The following GRIP1 variants were observed in gnomAD, a reference collection of about 807,000 sequenced individuals.
GRIP1 encodes the protein glutamate receptor interacting protein 1, also known as glutamate receptor-interacting protein 1.
Under a neutral mutation model 129.9 loss-of-function variants are expected in GRIP1, and 45 were observed. The ratio of observed to expected loss-of-function variants is 0.35; its 90% confidence interval spans 0.27 to 0.44. The LOEUF is 0.44. Among genes scored for constraint, GRIP1 ranks in the 20% least tolerant of loss-of-function variants. GRIP1 has a pLI of 1.00. For missense variants in GRIP1, 1,196 were observed against 1,396.8 expected (o/e 0.86, Z 2.29); for synonymous variants, 530 against 520.8 (o/e 1.02, Z -0.24).
intron 1 of GRIP1, among the ~76,000 whole-genome samples, chr12:67,029,405 T>C (rs2042987456): frequency 6.6e-6 from 1 of 152,042 alleles, no homozygotes; most frequent in Non-Finnish European, 1.5e-5. Flanking sequence ...TGAGCCATTG[T>C]GCCTGGCCAA....
chr12:66,620,906 G>A (rs746984092), intron 1 of GRIP1, among the ~76,000 whole-genome samples: 1 of 152,058 alleles, frequency 6.6e-6, no homozygotes, highest in African/African-American at 2.4e-5. Context: ...GCTGCAGCAT[G>A]ATGATTCACT....
chr12:66,781,387 T>G (rs1328203646), intron 1 of GRIP1, among the ~76,000 whole-genome samples: 1 of 152,192 alleles, frequency 6.6e-6, no homozygotes, highest in East Asian at 1.9e-4. Flanking sequence ...CTTTTTAAAG[T>G]AACTTATTTG....
At chr12:66,876,684 T>C (rs1298899887) in intron 1 of GRIP1, among the ~76,000 whole-genome samples, 1 of 152,006 alleles carries the variant, frequency 6.6e-6, no homozygotes, top group African/African-American at 2.4e-5. Context: ...AGGACTAGGA[T>C]AGAGATGCAC....
intron 14 of GRIP1, 82 bp from the exon 15 acceptor site, chr12:66,420,871 CTT>C (rs1451636309): frequency 1.2e-6 from 1 of 823,924 alleles, no homozygotes; most frequent in Non-Finnish European, 2.1e-6. Context: ...TTTATAATAA[CTT>C]AATGCAAGTA....
chr12:66,728,977 C>T (rs558104186), intron 1 of GRIP1, among the ~76,000 whole-genome samples: 9 of 152,102 alleles, frequency 5.9e-5, no homozygotes, highest in African/African-American at 2.2e-4. Flanking sequence ...TGATCCCAAA[C>T]ATCCAATCAC....
chr12:67,004,416 A>G (rs984864991), intron 1 of GRIP1, among the ~76,000 whole-genome samples: 5 of 152,208 alleles, frequency 3.3e-5, no homozygotes, highest in Non-Finnish European at 7.4e-5. Flanking sequence ...AATCACCTGG[A>G]TGGCAAAGTG....
intron 1 of GRIP1, among the ~76,000 whole-genome samples, chr12:67,006,401 A>G (rs142049854): frequency 3.4e-4 from 52 of 152,140 alleles, no homozygotes; most frequent in Non-Finnish European, 5.6e-4. Flanking sequence ...CCGTCTCTAC[A>G]AAAAATTAAA....
chr12:67,027,615 T>G (rs886658266), intron 1 of GRIP1, among the ~76,000 whole-genome samples: 20 of 152,162 alleles, frequency 1.3e-4, no homozygotes, highest in African/African-American at 4.3e-4. Flanking sequence ...ACAGAGTGCA[T>G]GAAAGCATAG....
Position 66,772,301 on chromosome 12 carries a change from T to C in GRIP1, c.-420+31752A>G, listed in dbSNP as rs556978737. Among the ~76,000 whole-genome samples the C allele has an allele frequency of 1.3e-3, 200 of 152,360 alleles. 1 individual carries two copies. The highest frequency in any genetic ancestry group is 3.5e-3 in the African/African-American group (144 of 41,588). On this transcript the variant is annotated intron_variant, in intron 1 of 4. Transcript: ENST00000538373. Reference sequence around the variant, plus strand: ...CAGAGGACTCCCAGGTGTGTTTAGATCTTAAATGAGAAATTATAAAACACA... The same window carrying C: ...CAGAGGACTCCCAGGTGTGTTTAGACCTTAAATGAGAAATTATAAAACACA...
chr12:66,536,596 A>T (rs1302315917), intron 4 of GRIP1, among the ~76,000 whole-genome samples: 2 of 152,156 alleles, frequency 1.3e-5, no homozygotes, highest in Non-Finnish European at 2.9e-5. Context: ...CTAATCTCAC[A>T]TTCTCAATGA....
At chr12:66,479,942 G>A (rs1774690087) in intron 7 of GRIP1, among the ~76,000 whole-genome samples, 1 of 152,098 alleles carries the variant, frequency 6.6e-6, no homozygotes, top group African/African-American at 2.4e-5. Flanking sequence ...AGCTATTTAT[G>A]ACAAACCCAC....
chr12:67,002,519 T>C (rs1362898192), intron 1 of GRIP1, among the ~76,000 whole-genome samples: 1 of 152,208 alleles, frequency 6.6e-6, no homozygotes, highest in African/African-American at 2.4e-5. Flanking sequence ...GGAGATAATA[T>C]TGGCCTTTTC....
intron 1 of GRIP1, among the ~76,000 whole-genome samples, chr12:66,945,237 C>T (rs1029269674): frequency 1.3e-5 from 2 of 151,954 alleles, no homozygotes; most frequent in African/African-American, 4.8e-5. Flanking sequence ...TGTGTCGTGG[C>T]AGTTTGGCGT....
chr12:66,589,828 A>G (rs1242892023), intron 2 of GRIP1, among the ~76,000 whole-genome samples: 1 of 152,124 alleles, frequency 6.6e-6, no homozygotes, highest in Non-Finnish European at 1.5e-5. Flanking sequence ...ATAGATAAGA[A>G]AAGAGTATTA....
chr12:66,932,401 T>A (rs1268999151), intron 1 of GRIP1, among the ~76,000 whole-genome samples: 1 of 152,188 alleles, frequency 6.6e-6, no homozygotes, highest in Non-Finnish European at 1.5e-5. Flanking sequence ...ATGAACTAAT[T>A]CCTAACCTGC....
intron 2 of GRIP1, among the ~76,000 whole-genome samples, chr12:66,543,465 C>T (rs528616539): frequency 2.0e-5 from 3 of 152,260 alleles, no homozygotes; most frequent in African/African-American, 7.2e-5. Flanking sequence ...CATGAAAGTA[C>T]AGGACCTTTT....
chr12:66,434,374 G>C (rs555844991), intron 13 of GRIP1, among the ~76,000 whole-genome samples: 9 of 152,158 alleles, frequency 5.9e-5, no homozygotes, highest in Non-Finnish European at 1.3e-4. Flanking sequence ...GTCACGGACT[G>C]AGTTAACACC....
At chr12:66,715,898 C>G (rs1007013539) in intron 1 of GRIP1, among the ~76,000 whole-genome samples, 13 of 152,126 alleles carry the variant, frequency 8.5e-5, no homozygotes, top group African/African-American at 3.1e-4. Context: ...CTAGGTACCC[C>G]TTTGACCGAA....
chr12:66,675,352 C>T (rs1429526923), intron 1 of GRIP1, among the ~76,000 whole-genome samples: 4 of 152,046 alleles, frequency 2.6e-5, no homozygotes, highest in East Asian at 1.9e-4. Flanking sequence ...GTTCAGATCT[C>T]GGAGCTCAAA....
Sources: allele counts gnomAD v4.1 joint callset (sites outside exome capture counted in the v4.1 genomes callset), GRCh38; gene constraint gnomAD v4.1.1; transcripts MANE v1.5; gene names NCBI Gene and HGNC (gene_info 2026-07-23, HGNC 2026-07-21).